The following PCDH11X variants were observed in gnomAD, a reference collection of about 807,000 sequenced individuals.
PCDH11X encodes protocadherin-11 X-linked.
PCDH11X carries 18 observed loss-of-function variants against 53.3 expected under a neutral mutation model. The observed-to-expected ratio is 0.34, with a 90% confidence interval of 0.23 to 0.50. The LOEUF (loss-of-function observed/expected upper bound fraction) is 0.50, where lower values mean the gene tolerates loss of function less well. Among genes scored for constraint, PCDH11X ranks in the 20% least tolerant of loss-of-function variants. The probability of loss-of-function intolerance (pLI) is 0.98; values close to 1 mark genes in which losing one functional copy is unlikely to be tolerated. For synonymous variants in PCDH11X, 279 were observed against 393.3 expected (o/e 0.71, Z 3.44); for missense variants, 570 against 1,032.4 (o/e 0.55, Z 6.14).
chrX:92,204,829 G>C (rs1569420547), intron 7 of PCDH11X, among the ~76,000 whole-genome samples: 2 of 112,015 alleles, frequency 1.8e-5, no homozygotes, highest in Non-Finnish European at 3.8e-5. Context: ...GGCTGGGAAG[G>C]GGGCCTCAGG....
intron 6 of PCDH11X, among the ~76,000 whole-genome samples, chrX:91,962,282 G>T (rs1189931914): frequency 8.9e-6 from 1 of 112,091 alleles, no homozygotes; most frequent in African/African-American, 3.3e-5. Context: ...CATACAATGA[G>T]TCAACAGGTA....
chrX:92,258,633 C>T (rs2067649626), intron 7 of PCDH11X, among the ~76,000 whole-genome samples: 1 of 111,539 alleles, frequency 9.0e-6, no homozygotes, highest in African/African-American at 3.3e-5. Flanking sequence ...TCCCAAAGTG[C>T]TGGGATTACA....
chrX:92,094,746 G>A (rs36120872), intron 6 of PCDH11X, among the ~76,000 whole-genome samples: 1 of 111,557 alleles, frequency 9.0e-6, no homozygotes, highest in Non-Finnish European at 1.9e-5. Flanking sequence ...AGGACAATAT[G>A]CTATGCCATC....
chrX:92,183,449 G>C (rs2066033826), intron 6 of PCDH11X, among the ~76,000 whole-genome samples: 1 of 109,811 alleles, frequency 9.1e-6, no homozygotes, highest in Admixed American at 9.8e-5. Context: ...TAGAGATGGG[G>C]TTTCTCCATG....
chrX:92,597,967 T>C (rs1429070464), intron 10 of PCDH11X, among the ~76,000 whole-genome samples: 2 of 111,613 alleles, frequency 1.8e-5, no homozygotes, highest in Non-Finnish European at 3.8e-5. Context: ...GAAAACTGGA[T>C]ATTCACATGC....
intron 6 of PCDH11X, among the ~76,000 whole-genome samples, chrX:92,182,625 T>G (rs950492088): frequency 1.2e-4 from 13 of 111,606 alleles, no homozygotes; most frequent in African/African-American, 4.2e-4. Flanking sequence ...CATGTTGTTC[T>G]TGTGATAGTG....
chrX:92,396,520 T>G (rs2071249125), intron 9 of PCDH11X, among the ~76,000 whole-genome samples: 1 of 97,717 alleles, frequency 1.0e-5, no homozygotes, highest in Non-Finnish European at 2.0e-5. Flanking sequence ...CAGGATAACT[T>G]TTATAGTTAT....
intron 6 of PCDH11X, among the ~76,000 whole-genome samples, chrX:91,973,387 A>T (rs2061998605): frequency 9.7e-6 from 1 of 103,590 alleles, no homozygotes; most frequent in African/African-American, 3.5e-5. Context: ...ATGTATAGAT[A>T]TGTAACTAAC....
At chrX:92,172,892 A>G (rs1425386138) in intron 6 of PCDH11X, among the ~76,000 whole-genome samples, 1 of 111,879 alleles carries the variant, frequency 8.9e-6, no homozygotes, top group Non-Finnish European at 1.9e-5. Context: ...CTTAAGGTGT[A>G]GTACTTAAGG....
At chrX:91,932,829 T>A (rs1380879624) in intron 6 of PCDH11X, among the ~76,000 whole-genome samples, 2 of 111,644 alleles carry the variant, frequency 1.8e-5, no homozygotes, top group Non-Finnish European at 3.8e-5. Flanking sequence ...CTTACAATCA[T>A]CCTATGTTAA....
chrX:92,096,450 G>C (rs1017095321), intron 6 of PCDH11X, among the ~76,000 whole-genome samples: 1 of 108,542 alleles, frequency 9.2e-6, no homozygotes, highest in African/African-American at 3.4e-5. Flanking sequence ...GTGTGTGTGT[G>C]TGTGTGTGTG....
intron 6 of PCDH11X, among the ~76,000 whole-genome samples, chrX:91,892,411 A>G (rs926463215): frequency 2.4e-4 from 26 of 109,009 alleles, no homozygotes; most frequent in African/African-American, 8.7e-4. Context: ...CTCATTGCAC[A>G]TAGAATAAAG....
At chrX:91,837,520 C>T (rs745934621) in intron 5 of PCDH11X, among the ~76,000 whole-genome samples, 13 of 111,213 alleles carry the variant, frequency 1.2e-4, no homozygotes, top group Admixed American at 9.6e-4. Context: ...ATGCTTACCT[C>T]TTACCAGACA....
intron 8 of PCDH11X, among the ~76,000 whole-genome samples, chrX:92,385,588 A>G (rs2070995620): frequency 9.2e-6 from 1 of 108,292 alleles, no homozygotes; most frequent in Non-Finnish European, 1.9e-5. Context: ...TAATCCTAGC[A>G]CTTTTGGAGG....
rs138475399 is a variant in PCDH11X at position 92,277,028 on chromosome X, G to A, written c.3144+13885G>A. On this transcript the variant is annotated intron_variant, in intron 8 of 10. Transcript: ENST00000682573. Reference sequence around the variant, plus strand: ...GGAAAGAAACTGTAAGCTGGACCAGGTGTGAGGAGGGGAGGCGATAAAGAG... The same window carrying A: ...GGAAAGAAACTGTAAGCTGGACCAGATGTGAGGAGGGGAGGCGATAAAGAG... Among the ~76,000 whole-genome samples, 287 of 111,343 alleles carry A rather than the reference G, an allele frequency of 2.6e-3. 2 individuals carry two copies. Among genetic ancestry groups the A allele is most frequent in the African/African-American group, 9.1e-3 (277 of 30,604 alleles).
chrX:91,854,662 TG>T (rs1284954481), intron 5 of PCDH11X, among the ~76,000 whole-genome samples: 2 of 112,111 alleles, frequency 1.8e-5, no homozygotes, highest in East Asian at 5.6e-4. Context: ...TGCCAACATT[TG>T]TTACCACCCG....
intron 10 of PCDH11X, among the ~76,000 whole-genome samples, chrX:92,537,447 A>G (rs1325694381): frequency 9.1e-6 from 1 of 110,449 alleles, no homozygotes; most frequent in Admixed American, 9.7e-5. Flanking sequence ...AAATTAATCT[A>G]TTGATTCAAT....
At chrX:92,086,261 TA>T (rs2063948055) in intron 6 of PCDH11X, among the ~76,000 whole-genome samples, 1 of 111,139 alleles carries the variant, frequency 9.0e-6, no homozygotes, top group African/African-American at 3.3e-5. Flanking sequence ...TTGTTTAAAA[TA>T]ATAGTAAAAA....
At chrX:92,454,210 A>G (rs1283265483) in intron 9 of PCDH11X, among the ~76,000 whole-genome samples, 2 of 104,923 alleles carry the variant, frequency 1.9e-5, no homozygotes, top group Non-Finnish European at 3.9e-5. Context: ...GTGTATATAT[A>G]CATATTTATA....
Sources: allele counts gnomAD v4.1 joint callset (sites outside exome capture counted in the v4.1 genomes callset), GRCh38; gene constraint gnomAD v4.1.1; transcripts MANE v1.5; gene names NCBI Gene and HGNC (gene_info 2026-07-23, HGNC 2026-07-21).